The following IL1RAPL1 variants were observed in gnomAD, a reference collection of about 807,000 sequenced individuals.
The protein encoded by IL1RAPL1 is interleukin 1 receptor accessory protein like 1, also known as interleukin-1 receptor accessory protein-like 1.
Under a neutral mutation model 48.4 loss-of-function variants are expected in IL1RAPL1, and 3 were observed. The observed-to-expected ratio is 0.06, with a 90% confidence interval of 0.03 to 0.16. The LOEUF is 0.16. IL1RAPL1 is among the 10% of genes least tolerant of loss of function. The pLI is 1.00. For synonymous variants in IL1RAPL1, 185 were observed against 187.7 expected (o/e 0.99, Z 0.12); for missense variants, 349 against 530.6 (o/e 0.66, Z 3.36).
At chrX:28,637,876 C>T (rs1008928564) in intron 1 of IL1RAPL1, among the ~76,000 whole-genome samples, 1 of 112,309 alleles carries the variant, frequency 8.9e-6, no homozygotes, top group Non-Finnish European at 1.9e-5. Flanking sequence ...AGACATAAGG[C>T]TTTGCCTCTG....
intron 1 of IL1RAPL1, among the ~76,000 whole-genome samples, chrX:28,699,274 T>G (rs930264401): frequency 3.6e-5 from 4 of 112,057 alleles, no homozygotes; most frequent in African/African-American, 1.3e-4. Flanking sequence ...TGCTTTCTGT[T>G]TTTCTGGTTG....
chrX:29,179,784 T>C (rs1384266753), intron 2 of IL1RAPL1, among the ~76,000 whole-genome samples: 1 of 111,785 alleles, frequency 8.9e-6, no homozygotes, highest in Admixed American at 9.6e-5. Context: ...ATTGAGTCCT[T>C]ATAAGAGTAC....
At chrX:29,876,669 A>C (rs1931910254) in intron 6 of IL1RAPL1, among the ~76,000 whole-genome samples, 1 of 111,280 alleles carries the variant, frequency 9.0e-6, no homozygotes, top group Non-Finnish European at 1.9e-5. Context: ...AGAGTGACCC[A>C]GCAATAAACA....
intron 6 of IL1RAPL1, among the ~76,000 whole-genome samples, chrX:29,814,498 T>C (rs181112014): frequency 2.6e-3 from 294 of 111,741 alleles, no homozygotes; most frequent in African/African-American, 9.2e-3. Context: ...GTCAGATGCA[T>C]AGTTTGCAGA....
intron 1 of IL1RAPL1, among the ~76,000 whole-genome samples, chrX:28,780,992 G>A (rs1002196421): frequency 7.2e-5 from 8 of 110,907 alleles, no homozygotes; most frequent in Non-Finnish European, 1.1e-4. Context: ...CTCTATATTA[G>A]TCAATAGAAA....
chrX:29,722,750 A>G (rs988808639), intron 6 of IL1RAPL1, among the ~76,000 whole-genome samples: 2 of 111,817 alleles, frequency 1.8e-5, no homozygotes, highest in African/African-American at 6.5e-5. Flanking sequence ...TAATTCCTCT[A>G]GACTATTTTG....
intron 3 of IL1RAPL1, among the ~76,000 whole-genome samples, chrX:29,381,294 A>G (rs1168623263): frequency 9.3e-6 from 1 of 107,770 alleles, no homozygotes; most frequent in Non-Finnish European, 1.9e-5. Context: ...TTTGGAATTG[A>G]CATAAGCTTT....
intron 2 of IL1RAPL1, among the ~76,000 whole-genome samples, chrX:29,030,275 T>A (rs1279991669): frequency 8.9e-6 from 1 of 111,806 alleles, no homozygotes; most frequent in Non-Finnish European, 1.9e-5. Flanking sequence ...TTCCTGATAT[T>A]CACAAAATAA....
At chrX:29,480,587 C>A (rs1166648002) in intron 5 of IL1RAPL1, among the ~76,000 whole-genome samples, 2 of 110,407 alleles carry the variant, frequency 1.8e-5, no homozygotes, top group Non-Finnish European at 3.8e-5. Context: ...ATGAAAGTTT[C>A]AAACTTTTCA....
chrX:28,645,191 T>C (rs1350406707), intron 1 of IL1RAPL1, among the ~76,000 whole-genome samples: 1 of 106,743 alleles, frequency 9.4e-6, no homozygotes, highest in East Asian at 2.9e-4. Flanking sequence ...CTACTAAAAA[T>C]ACAAAATTAG....
chrX:28,648,979 C>T (rs1004688261), intron 1 of IL1RAPL1, among the ~76,000 whole-genome samples: 1 of 111,592 alleles, frequency 9.0e-6, no homozygotes, highest in African/African-American at 3.3e-5. Flanking sequence ...GCATATAGAA[C>T]AGTGCCTGGC....
intron 5 of IL1RAPL1, among the ~76,000 whole-genome samples, chrX:29,547,407 A>G (rs759371418): frequency 9.0e-6 from 1 of 111,359 alleles, no homozygotes; most frequent in Non-Finnish European, 1.9e-5. Context: ...TAACAATGAG[A>G]ACCTCATTGA....
chrX:29,295,974 A>G (rs1330602052), intron 3 of IL1RAPL1, among the ~76,000 whole-genome samples: 2 of 111,779 alleles, frequency 1.8e-5, no homozygotes, highest in Non-Finnish European at 3.8e-5. Flanking sequence ...AATACTACTA[A>G]TTTAAGGATT....
At chrX:29,203,472 C>T (rs1930597138) in intron 2 of IL1RAPL1, among the ~76,000 whole-genome samples, 1 of 109,865 alleles carries the variant, frequency 9.1e-6, no homozygotes, top group Non-Finnish European at 1.9e-5. Context: ...GGCCCAGTGC[C>T]TCATGCCTGA....
At chrX:29,692,124 C>T (rs1201946948) in intron 6 of IL1RAPL1, among the ~76,000 whole-genome samples, 3 of 111,703 alleles carry the variant, frequency 2.7e-5, no homozygotes, top group Non-Finnish European at 5.6e-5. Flanking sequence ...TCTCTTTTTG[C>T]CCACAGCCTT....
intron 1 of IL1RAPL1, among the ~76,000 whole-genome samples, chrX:28,633,894 A>G (rs1275875175): frequency 8.9e-6 from 1 of 111,951 alleles, no homozygotes. Flanking sequence ...ATGGGATGCA[A>G]TGTTATTTTA....
intron 2 of IL1RAPL1, among the ~76,000 whole-genome samples, chrX:29,248,853 C>G (rs769892392): frequency 9.0e-6 from 1 of 111,626 alleles, no homozygotes; most frequent in African/African-American, 3.3e-5. Flanking sequence ...ACATTCATGC[C>G]GTTGTGTGTC....
At chrX:29,161,625 C>T (rs763415934) in intron 2 of IL1RAPL1, among the ~76,000 whole-genome samples, 2 of 112,347 alleles carry the variant, frequency 1.8e-5, no homozygotes, top group Non-Finnish European at 3.8e-5. Flanking sequence ...AGAAATTAAG[C>T]ACTCTCACCT....
intron 3 of IL1RAPL1, among the ~76,000 whole-genome samples, chrX:29,392,297 C>T (rs1351921479): frequency 8.9e-6 from 1 of 112,153 alleles, no homozygotes; most frequent in Non-Finnish European, 1.9e-5. Flanking sequence ...CTCTTTACCC[C>T]ATTTACCCCA....
Sources: allele counts gnomAD v4.1 joint callset (sites outside exome capture counted in the v4.1 genomes callset), GRCh38; gene constraint gnomAD v4.1.1; transcripts MANE v1.5; gene names NCBI Gene and HGNC (gene_info 2026-07-23, HGNC 2026-07-21).